Variants in TANGO6 observed in about 807,000 individuals in gnomAD.
TANGO6 encodes transport and golgi organization 6 homolog, also known as transport and Golgi organization protein 6 homolog.
TANGO6 carries 90 observed loss-of-function variants against 114.2 expected under a neutral mutation model. The observed-to-expected ratio is 0.79, with a 90% CI of 0.66 to 0.94. The LOEUF is 0.94. TANGO6 is among the 40% of genes least tolerant of loss of function. TANGO6 has a pLI of 0.00. For synonymous variants in TANGO6, 477 were observed against 509.8 expected, an observed-to-expected ratio of 0.94 and a Z score of 0.87; for missense variants, 1,274 against 1,315.3, an observed-to-expected ratio of 0.97 and a Z score of 0.49.
At chr16:69,059,896 A>C (rs575353518) in intron 17 of TANGO6, among the ~76,000 whole-genome samples, 4 of 152,266 alleles carry the variant, frequency 2.6e-5, no homozygotes, top group African/African-American at 9.6e-5. Flanking sequence ...GATGAAGGTC[A>C]GACTCCTTTG....
intron 15 of TANGO6, among the ~76,000 whole-genome samples, chr16:68,975,781 T>C (rs1361629878): frequency 6.6e-6 from 1 of 151,968 alleles, no homozygotes; most frequent in African/African-American, 2.4e-5. Context: ...GGTCTCAAAC[T>C]CCTGGGCTCA....
rs375326486 is a variant in TANGO6, at chr16:68,907,444, G to A, written c.1669G>A (p.Asp557Asn). 229 of 1,593,106 alleles carry A rather than the reference G, an allele frequency of 1.4e-4. 1 individual carries two copies. The highest frequency in any genetic ancestry group is 1.9e-4 in the Non-Finnish European group (220 of 1,173,648). The change falls in exon 10 of 18, where the codon GAT becomes AAT. Residue 557 changes from aspartate to asparagine, a missense_variant and splice_region_variant. Physicochemically the swap from Asp to Asn is conservative, Grantham distance 23. Coordinates refer to ENST00000261778, the MANE Select transcript of TANGO6 (RefSeq NM_024562.2). ...GATAAATTTTACCCTGCATTGCAGT[G>A]ATGAAGATGAAGATGAAGCCCTGTA... ...IMITIKEAIS[D>N]EDEDEALYQK...
chr16:68,958,505 A>AG (rs1555525467), intron 14 of TANGO6, among the ~76,000 whole-genome samples: 37 of 146,176 alleles, frequency 2.5e-4, no homozygotes, highest in Admixed American at 7.5e-4. Flanking sequence ...AAAAAAAAAA[A>AG]AGAGAGAGGA....
At chr16:69,076,106 T>TG (rs1960374599) in intron 17 of TANGO6, among the ~76,000 whole-genome samples, 1 of 145,682 alleles carries the variant, frequency 6.9e-6, no homozygotes. Context: ...TTTTTTTTTT[T>TG]TTTGAGATGG....
chr16:68,973,945 T>C, intron 14 of TANGO6, 83 bp from the exon 15 acceptor site: 1 of 1,472,752 alleles, frequency 6.8e-7, no homozygotes, highest in Non-Finnish European at 9.3e-7. Flanking sequence ...CATCTCTGCG[T>C]TCATCCCATC....
intron 4 of TANGO6, among the ~76,000 whole-genome samples, chr16:68,872,715 C>T (rs1962294273): frequency 6.7e-6 from 1 of 149,626 alleles, no homozygotes; most frequent in Non-Finnish European, 1.5e-5. Flanking sequence ...AACGGTGGCG[C>T]GATCTCAGCT....
At chr16:68,933,761 G>A (rs1470405635) in intron 14 of TANGO6, 1 of 152,230 alleles carries the variant, frequency 6.6e-6, no homozygotes, top group Non-Finnish European at 1.5e-5. Flanking sequence ...CAAAAGTCAA[G>A]GGATAGAGAA....
At chr16:68,916,388 G>C (rs929642596) in intron 11 of TANGO6, among the ~76,000 whole-genome samples, 1 of 152,092 alleles carries the variant, frequency 6.6e-6, no homozygotes, top group Non-Finnish European at 1.5e-5. Context: ...GTCCTTATGA[G>C]AATCTAACTA....
intron 14 of TANGO6, among the ~76,000 whole-genome samples, chr16:68,965,690 A>G (rs1298973704): frequency 6.6e-6 from 1 of 151,636 alleles, no homozygotes; most frequent in Non-Finnish European, 1.5e-5. Context: ...AATCCCAGCT[A>G]CTCTGGAGGC....
rs758399130 is a variant in TANGO6 at position 68,878,209 on chromosome 16, G to T, written c.1223G>T (p.Arg408Leu). Reference protein sequence around the residue: ...TTTFITLSRERPHLAAKYLLQ... With the variant: ...TTTFITLSRELPHLAAKYLLQ... ...ACCTTTATAACTTTGTCAAGAGAAC[G>T]CCCACATTTGGCAGCAAAGTATTTG... The change falls in exon 6 of 18, where the codon CGC (arginine) becomes CTC (leucine). Residue 408 changes from arginine to leucine, a missense_variant. By Grantham distance (102) the Arg-to-Leu change is moderately radical. This residue lies in a region of TANGO6 where 908 missense variants were observed against 910.2 expected (regional missense o/e 1.00). Transcript: ENST00000261778. 6.2e-7 allele frequency: 1 copy of T among 1,613,060 alleles called. No individual in the cohort carries two copies. Among genetic ancestry groups the T allele is most frequent in the Admixed American group, 1.7e-5 (1 of 59,852 alleles).
chr16:68,917,745 A>AT (rs1220016764), intron 11 of TANGO6, among the ~76,000 whole-genome samples: 3 of 151,822 alleles, frequency 2.0e-5, no homozygotes, highest in Admixed American at 6.6e-5. Flanking sequence ...ACTTTTGCTC[A>AT]TTTTTAATTG....
At chr16:68,986,751 A>C (rs1218964766) in intron 15 of TANGO6, among the ~76,000 whole-genome samples, 1 of 152,120 alleles carries the variant, frequency 6.6e-6, no homozygotes, top group Non-Finnish European at 1.5e-5. Flanking sequence ...CTAGAAATAC[A>C]AAAATTAGCC....
intron 12 of TANGO6, among the ~76,000 whole-genome samples, chr16:68,919,607 T>C (rs1029612492): frequency 2.0e-5 from 3 of 152,236 alleles, no homozygotes; most frequent in African/African-American, 7.2e-5. Flanking sequence ...GATCCATCTA[T>C]TTTGAATGCT....
intron 7 of TANGO6, among the ~76,000 whole-genome samples, chr16:68,890,066 T>C (rs1962589782): frequency 6.6e-6 from 1 of 152,194 alleles, no homozygotes; most frequent in Non-Finnish European, 1.5e-5. Context: ...ATCACTGTAA[T>C]GTTTTAGAAG....
intron 9 of TANGO6, among the ~76,000 whole-genome samples, chr16:68,905,657 G>C (rs529533592): frequency 6.6e-6 from 1 of 152,070 alleles, no homozygotes; most frequent in Non-Finnish European, 1.5e-5. Flanking sequence ...TCATGGGAAA[G>C]TACAAAAATT....
chr16:68,923,295 G>T (rs1469529015), intron 12 of TANGO6, among the ~76,000 whole-genome samples: 1 of 152,054 alleles, frequency 6.6e-6, no homozygotes, highest in African/African-American at 2.4e-5. Flanking sequence ...CCATTGCTCA[G>T]ACTCTTTGGC....
chr16:69,066,181 A>C (rs188276777), intron 17 of TANGO6, among the ~76,000 whole-genome samples: 1 of 149,990 alleles, frequency 6.7e-6, no homozygotes, highest in Admixed American at 6.7e-5. Context: ...TCTTCCTCTC[A>C]CTCGCCTTCA....
chr16:68,966,307 C>T (rs1963644867), intron 14 of TANGO6, among the ~76,000 whole-genome samples: 1 of 151,992 alleles, frequency 6.6e-6, no homozygotes, highest in African/African-American at 2.4e-5. Flanking sequence ...GTGGATTGCC[C>T]AGCCAGACCA....
chr16:69,078,995 C>T (rs1267537392), intron 17 of TANGO6, among the ~76,000 whole-genome samples: 2 of 151,928 alleles, frequency 1.3e-5, no homozygotes, highest in South Asian at 2.1e-4. Context: ...CTGCCCGTCT[C>T]GGCTACTGCA....
Sources: gnomAD v4.1 joint callset for allele counts (sites outside exome capture counted in the v4.1 genomes callset) on GRCh38, gnomAD v4.1.1 for gene constraint, gnomAD v4.1.1 regional missense constraint, MANE v1.5 for transcripts, NCBI Gene and HGNC (gene_info 2026-07-23, HGNC 2026-07-21) for gene names.